The following ATP8A2 variants were observed in gnomAD, a reference collection of about 807,000 sequenced individuals.
The protein encoded by ATP8A2 is ATPase phospholipid transporting 8A2.
A neutral mutation model predicts 165.6 loss-of-function variants in ATP8A2; 100 were observed. The ratio of observed to expected loss-of-function variants is 0.60; its 90% CI spans 0.51 to 0.71. The LOEUF is 0.71. Ranked by LOEUF, ATP8A2 falls within the 30% of genes least tolerant of loss-of-function variation. ATP8A2 has a pLI of 0.00. For missense variants in ATP8A2, 1,227 were observed against 1,479.5 expected, an observed-to-expected ratio of 0.83 and a Z score of 2.80; for synonymous variants, 543 against 548.8, an observed-to-expected ratio of 0.99 and a Z score of 0.15.
chr13:25,732,999 A>T (rs901864420), intron 25 of ATP8A2, among the ~76,000 whole-genome samples: 2 of 152,170 alleles, frequency 1.3e-5, no homozygotes, highest in African/African-American at 4.8e-5. Flanking sequence ...TAATTTTCCC[A>T]CAAGTAAGAA....
At chr13:25,518,450 A>AGT (rs1176943860) in intron 2 of ATP8A2, among the ~76,000 whole-genome samples, 2 of 152,256 alleles carry the variant, frequency 1.3e-5, no homozygotes, top group African/African-American at 4.8e-5. Context: ...CATGGAATGC[A>AGT]GTAGAATAAG....
intron 35 of ATP8A2, 22 bp downstream of exon 35, chr13:25,968,701 C>A: frequency 1.3e-6 from 2 of 1,579,632 alleles, no homozygotes; most frequent in Non-Finnish European, 1.7e-6. Flanking sequence ...CGTCCCAGTC[C>A]GCACAGAACA....
intron 33 of ATP8A2, among the ~76,000 whole-genome samples, chr13:25,882,364 A>G (rs572343305): frequency 6.6e-6 from 1 of 152,326 alleles, no homozygotes; most frequent in East Asian, 1.9e-4. Flanking sequence ...TTAAGTCAAT[A>G]CAGATCGGAT....
intron 25 of ATP8A2, among the ~76,000 whole-genome samples, chr13:25,713,218 CTTCTAT>C (rs1337180150): frequency 1.3e-5 from 2 of 152,180 alleles, no homozygotes; most frequent in Non-Finnish European, 2.9e-5. Context: ...GAAATCGCAT[CTTCTAT>C]TTCTAACTTG....
intron 27 of ATP8A2, among the ~76,000 whole-genome samples, chr13:25,822,323 A>G (rs1489649071): frequency 2.6e-5 from 4 of 152,186 alleles, no homozygotes; most frequent in African/African-American, 7.2e-5. Flanking sequence ...GATTAGAGCT[A>G]TAAGGTATAA....
intron 6 of ATP8A2, chr13:25,534,046 GTTC>G: frequency 2.3e-6 from 1 of 443,702 alleles, no homozygotes; most frequent in Admixed American, 2.9e-5. Context: ...ACTTGAAGTG[GTTC>G]TTCTTGCTAA....
chr13:25,615,751 G>T (rs567651868), intron 24 of ATP8A2, among the ~76,000 whole-genome samples: 3 of 152,116 alleles, frequency 2.0e-5, no homozygotes, highest in East Asian at 3.9e-4. Context: ...TGTGTTTTTC[G>T]CTCAGCTCTC....
At chr13:25,977,026 T>TCCACCCCCCCCCCCCACCC (rs1555299943) in intron 35 of ATP8A2, among the ~76,000 whole-genome samples, 1 of 125,370 alleles carries the variant, frequency 8.0e-6, no homozygotes, top group Admixed American at 8.6e-5. Flanking sequence ...GACCTTGTGA[T>TCCACCCCCCCCCCCCACCC]CCACCCCCAC....
intron 35 of ATP8A2, among the ~76,000 whole-genome samples, chr13:26,004,942 A>ATT (rs58429465): frequency 5.9e-5 from 9 of 151,880 alleles, no homozygotes; most frequent in African/African-American, 2.2e-4. Context: ...TTAGCCTGTA[A>ATT]TTTTTTTTCT....
At chr13:25,820,516 A>G (rs1951151855) in intron 27 of ATP8A2, among the ~76,000 whole-genome samples, 2 of 152,198 alleles carry the variant, frequency 1.3e-5, no homozygotes, top group South Asian at 2.1e-4. Context: ...TAAGCAAGCC[A>G]CCATCCAAGT....
chr13:25,435,311 G>C (rs923724212), intron 1 of ATP8A2, among the ~76,000 whole-genome samples: 2 of 151,904 alleles, frequency 1.3e-5, no homozygotes, highest in African/African-American at 4.8e-5. Context: ...AGTAGAGACG[G>C]GGTTTCACCA....
At chr13:25,872,641 G>C (rs1231706470) in intron 33 of ATP8A2, among the ~76,000 whole-genome samples, 1 of 152,130 alleles carries the variant, frequency 6.6e-6, no homozygotes, top group African/African-American at 2.4e-5. Flanking sequence ...AAGGAAATAG[G>C]AGCTTTTCTA....
chr13:25,820,356 T>G (rs1951146802), intron 27 of ATP8A2, among the ~76,000 whole-genome samples: 1 of 152,206 alleles, frequency 6.6e-6, no homozygotes, highest in African/African-American at 2.4e-5. Flanking sequence ...TGGCAAGTCT[T>G]CCTACCAGCT....
At chr13:25,607,193 C>T (rs1288867223) in intron 24 of ATP8A2, among the ~76,000 whole-genome samples, 1 of 152,192 alleles carries the variant, frequency 6.6e-6, no homozygotes, top group African/African-American at 2.4e-5. Context: ...CCCCCACAAC[C>T]TGTGTTAAAA....
intron 2 of ATP8A2, among the ~76,000 whole-genome samples, chr13:25,481,097 A>G (rs937143024): frequency 6.7e-6 from 1 of 150,348 alleles, no homozygotes; most frequent in African/African-American, 2.5e-5. Context: ...GTGAGCCGAG[A>G]TGGCAGCAGT....
At chr13:25,600,706 C>T (rs1373281181) in intron 24 of ATP8A2, among the ~76,000 whole-genome samples, 2 of 152,204 alleles carry the variant, frequency 1.3e-5, no homozygotes, top group Non-Finnish European at 2.9e-5. Flanking sequence ...GCTCTCTCTC[C>T]TCTCTGTCTT....
At chr13:25,647,102 TAA>T (rs1408911394) in intron 24 of ATP8A2, among the ~76,000 whole-genome samples, 1 of 152,248 alleles carries the variant, frequency 6.6e-6, no homozygotes, top group Non-Finnish European at 1.5e-5. Flanking sequence ...TAGTTGTTAT[TAA>T]TAGTTTTGTC....
At chr13:25,783,525 TATA>T (rs2044940994) in intron 27 of ATP8A2, among the ~76,000 whole-genome samples, 1 of 152,100 alleles carries the variant, frequency 6.6e-6, no homozygotes, top group Non-Finnish European at 1.5e-5. Context: ...TTCCCACAAT[TATA>T]ATATGGTGTG....
chr13:25,559,812 G>C (rs771641777), intron 15 of ATP8A2, 47 bp downstream of exon 15: 2 of 1,364,426 alleles, frequency 1.5e-6, no homozygotes, highest in Admixed American at 3.4e-5. Flanking sequence ...AAAAGCTTTT[G>C]GAATAATTAT....
Sources: gnomAD v4.1 joint callset for allele counts (sites outside exome capture counted in the v4.1 genomes callset) on GRCh38, gnomAD v4.1.1 for gene constraint, MANE v1.5 for transcripts, NCBI Gene and HGNC (gene_info 2026-07-23, HGNC 2026-07-21) for gene names.